Variants in NPC1 observed in about 807,000 individuals in gnomAD.
The protein encoded by NPC1 is Niemann-Pick C1 protein.
In NPC1, 85 loss-of-function variants were observed where a neutral mutation model predicts 140.4. That is an observed-to-expected ratio of 0.61 (90% CI 0.51 to 0.72). The LOEUF (loss-of-function observed/expected upper bound fraction) is 0.72. Ranked by LOEUF, NPC1 falls within the 30% of genes least tolerant of loss-of-function variation. NPC1 has a pLI of 0.00. For missense variants in NPC1, 1,504 were observed against 1,623.8 expected, an observed-to-expected ratio of 0.93 and a Z score of 1.27; for synonymous variants, 656 against 624.8, an observed-to-expected ratio of 1.05 and a Z score of -0.74.
chr18:23,556,150 G>A, intron 8 of NPC1, 93 bp downstream of exon 8: 1 of 1,119,348 alleles, frequency 8.9e-7, no homozygotes, highest in South Asian at 1.2e-5. Context: ...ATGACATTCA[G>A]CCCCAAATCC....
chr18:23,581,271 C>T (rs1415805043), intron 1 of NPC1, among the ~76,000 whole-genome samples: 7 of 152,176 alleles, frequency 4.6e-5, no homozygotes, highest in South Asian at 2.1e-4. Context: ...TGATCTATTA[C>T]GGACTACTGG....
At chr18:23,577,905 G>GGGCT (rs1440343071) in intron 1 of NPC1, among the ~76,000 whole-genome samples, 1 of 152,252 alleles carries the variant, frequency 6.6e-6, no homozygotes, top group Non-Finnish European at 1.5e-5. Context: ...GGGGCCAGCA[G>GGGCT]GGCTGGCTGG....
downstream of NPC1, among the ~76,000 whole-genome samples, chr18:23,518,711 C>G (rs375864594): frequency 6.6e-6 from 1 of 152,154 alleles, no homozygotes; most frequent in South Asian, 2.1e-4. Flanking sequence ...TGTGTGTTCT[C>G]TTTTCCACTT....
intron 11 of NPC1, among the ~76,000 whole-genome samples, chr18:23,546,423 G>A (rs1237986736): frequency 6.6e-6 from 1 of 152,162 alleles, no homozygotes; most frequent in African/African-American, 2.4e-5. Context: ...TGGTGGTGAC[G>A]TAAAGCGCTA....
At chr18:23,581,796 A>G (rs144883662) in intron 1 of NPC1, among the ~76,000 whole-genome samples, 2 of 152,266 alleles carry the variant, frequency 1.3e-5, no homozygotes, top group East Asian at 3.9e-4. Flanking sequence ...CACCTGATAC[A>G]TTAATTCATC....
chr18:23,563,146 C>T (rs919761135), intron 4 of NPC1, among the ~76,000 whole-genome samples: 2 of 152,196 alleles, frequency 1.3e-5, no homozygotes, highest in Non-Finnish European at 2.9e-5. Flanking sequence ...TCATGACCGG[C>T]TTCTTTCATT....
intron 6 of NPC1, 127 bp from the exon 7 acceptor site, chr18:23,557,317 C>T: frequency 1.4e-6 from 1 of 728,284 alleles, no homozygotes; most frequent in Non-Finnish European, 2.4e-6. Context: ...TAATTACTGC[C>T]TTCTTTCCCC....
rs1652343 is a variant in NPC1 at position 23,551,965 on chromosome 18, T to C, written c.1554-238A>G. Among the ~76,000 whole-genome samples the C allele has an allele frequency of 0.6, 90,681 of 152,076 alleles. 28,628 individuals are homozygous for C. Among genetic ancestry groups the C allele is most frequent in the East Asian group, 0.91 (4,720 of 5,166 alleles). On this transcript the variant is annotated intron_variant, in intron 9 of 24. Coordinates refer to ENST00000269228, the MANE Select transcript of NPC1 (RefSeq NM_000271.5). ...CAATGGCACATGGTGCATGGCGCTA[T>C]GCAGGCACAGAGGAGGGAGCAAACA...
chr18:23,550,194 C>A (rs2058848668), intron 10 of NPC1, among the ~76,000 whole-genome samples: 1 of 151,498 alleles, frequency 6.6e-6, no homozygotes. Flanking sequence ...GTATTTTTTG[C>A]AGAGACGGGG....
chr18:23,563,655 C>T (rs1467862762), intron 4 of NPC1, among the ~76,000 whole-genome samples: 1 of 152,190 alleles, frequency 6.6e-6, no homozygotes, highest in Non-Finnish European at 1.5e-5. Context: ...CTAAGGTGAT[C>T]CACCTGCCTT....
At position 23,538,526 on chromosome 18, in the gene NPC1, T is replaced by C. The variant is rs781251338; in HGVS notation, c.3041+16A>G. 6.2e-7 allele frequency: 1 copy of C among 1,614,132 alleles called. No homozygotes were observed. Among genetic ancestry groups the C allele is most frequent in the Non-Finnish European group, 8.5e-7 (1 of 1,179,992 alleles). ...AGTTGCAGTGGATGCTTATCTGCAA[T>C]GGCAGCAGCACTTACCCTTTGCCAC... On this transcript the variant is annotated intron_variant, in intron 20 of 24. Coordinates refer to ENST00000269228, the MANE Select transcript of NPC1 (RefSeq NM_000271.5).
downstream of NPC1, chr18:23,530,693 C>G: frequency 7.5e-7 from 1 of 1,340,720 alleles, no homozygotes. Context: ...GGGCGAGGAC[C>G]CTGGGTTAGC....
At chr18:23,540,111 C>T (rs571346731) in intron 17 of NPC1, 110 bp from the exon 18 acceptor site, 11 of 920,962 alleles carry the variant, frequency 1.2e-5, no homozygotes, top group Non-Finnish European at 1.7e-5. Flanking sequence ...GGCTGAGATG[C>T]CTCCAGCTGG....
chr18:23,566,054 T>C (rs934880023), intron 4 of NPC1, among the ~76,000 whole-genome samples: 4 of 152,230 alleles, frequency 2.6e-5, no homozygotes, highest in Middle Eastern at 3.4e-3. Context: ...CATTTCCTCA[T>C]TACCCAGTTA....
At chr18:23,523,848 G>A (rs865888543) in intron 1 of NPC1, among the ~76,000 whole-genome samples, 1 of 152,072 alleles carries the variant, frequency 6.6e-6, no homozygotes, top group Non-Finnish European at 1.5e-5. Flanking sequence ...ATATGTAAAC[G>A]ATCATGAGTC....
At chr18:23,536,056 G>A (rs1266856234) in intron 21 of NPC1, among the ~76,000 whole-genome samples, 2 of 152,142 alleles carry the variant, frequency 1.3e-5, no homozygotes, top group Non-Finnish European at 2.9e-5. Context: ...CAGGCTCAGC[G>A]GGGTCCGTGC....
At chr18:23,549,666 T>C (rs1436410831) in intron 10 of NPC1, among the ~76,000 whole-genome samples, 1 of 151,968 alleles carries the variant, frequency 6.6e-6, no homozygotes, top group Non-Finnish European at 1.5e-5. Context: ...ACCTTTTTTT[T>C]TTGTATTTCT....
chr18:23,565,212 C>G (rs902122918), intron 4 of NPC1, among the ~76,000 whole-genome samples: 1 of 152,186 alleles, frequency 6.6e-6, no homozygotes, highest in African/African-American at 2.4e-5. Context: ...GGGATTATAA[C>G]AGAGATTGCC....
At chr18:23,581,300 G>T (rs565927187) in intron 1 of NPC1, among the ~76,000 whole-genome samples, 2 of 152,150 alleles carry the variant, frequency 1.3e-5, no homozygotes, top group Admixed American at 6.5e-5. Context: ...CACTGGGGAC[G>T]GAACCAGGCC....
Sources: allele counts gnomAD v4.1 joint callset (sites outside exome capture counted in the v4.1 genomes callset), GRCh38; gene constraint gnomAD v4.1.1; transcripts MANE v1.5; gene names NCBI Gene and HGNC (gene_info 2026-07-23, HGNC 2026-07-21).